The following SSBP2 variants were observed in gnomAD, a reference collection of about 807,000 sequenced individuals.
SSBP2 encodes the protein single stranded DNA binding protein 2, also known as single-stranded DNA-binding protein 2.
Under a neutral mutation model 61.8 loss-of-function variants are expected in SSBP2, and 17 were observed. That is an observed-to-expected ratio of 0.28 (90% CI 0.19 to 0.41). The LOEUF (loss-of-function observed/expected upper bound fraction) is 0.41. Among genes scored for constraint, SSBP2 ranks in the 10% least tolerant of loss-of-function variants. The pLI, the probability that SSBP2 is intolerant of heterozygous loss-of-function variation, is 1.00. For missense variants in SSBP2, 310 were observed against 458.7 expected (o/e 0.68, Z 2.96); for synonymous variants, 139 against 141.3 (o/e 0.98, Z 0.12).
At chr5:81,701,629 G>C (rs1453035637) in intron 1 of SSBP2, among the ~76,000 whole-genome samples, 3 of 152,158 alleles carry the variant, frequency 2.0e-5, no homozygotes, top group Non-Finnish European at 4.4e-5. Flanking sequence ...AATAAAATGA[G>C]AACATTTTGA....
At chr5:81,580,573 G>A (rs1774562981) in intron 4 of SSBP2, among the ~76,000 whole-genome samples, 1 of 152,022 alleles carries the variant, frequency 6.6e-6, no homozygotes, top group South Asian at 2.1e-4. Context: ...TCTGCCTTGT[G>A]TTAAAATTAT....
At chr5:81,651,899 T>C (rs2153714154) in intron 1 of SSBP2, among the ~76,000 whole-genome samples, 1 of 152,252 alleles carries the variant, frequency 6.6e-6, no homozygotes, top group South Asian at 2.1e-4. Flanking sequence ...AAGGATAATA[T>C]TTGTAAAATC....
At position 81,725,988 on chromosome 5, in the gene SSBP2, G is replaced by C. The variant is rs1291830634; in HGVS notation, c.62+24993C>G. ...TGAAAAAAGAAACAGAAGATCTTTA[G>C]CACAATATAATTTATATAAATTAAA... On this transcript the variant is annotated intron_variant, in intron 1 of 16. Coordinates refer to ENST00000320672, the MANE Select transcript of SSBP2 (RefSeq NM_012446.5). Among the ~76,000 whole-genome samples the C allele has an allele frequency of 5.9e-5, 9 of 152,116 alleles. No individual in the cohort carries two copies. In the East Asian group the frequency reaches 1.7e-3, roughly 29 times the overall value.
intron 1 of SSBP2, among the ~76,000 whole-genome samples, chr5:81,671,026 C>T (rs1751544198): frequency 6.6e-6 from 1 of 152,102 alleles, no homozygotes; most frequent in Non-Finnish European, 1.5e-5. Flanking sequence ...ATATATCCGA[C>T]CTGTACTCCT....
chr5:81,669,771 CT>C (rs1481478052), intron 1 of SSBP2, among the ~76,000 whole-genome samples: 3 of 150,562 alleles, frequency 2.0e-5, no homozygotes, highest in South Asian at 2.1e-4. Context: ...CATGTATCCC[CT>C]TTTTTTTGTT....
intron 15 of SSBP2, among the ~76,000 whole-genome samples, chr5:81,428,886 TA>T (rs929450693): frequency 6.6e-6 from 1 of 151,852 alleles, no homozygotes; most frequent in Non-Finnish European, 1.5e-5. Context: ...TAAAAAAAAA[TA>T]AAAAAACCCC....
chr5:81,750,103 G>A (rs1757627953), intron 1 of SSBP2, among the ~76,000 whole-genome samples: 3 of 151,628 alleles, frequency 2.0e-5, no homozygotes, highest in South Asian at 4.2e-4. Flanking sequence ...CGCCGCCGCG[G>A]AGTTGGGTCC....
At chr5:81,435,904 G>A (rs571435108) in intron 15 of SSBP2, among the ~76,000 whole-genome samples, 1 of 152,222 alleles carries the variant, frequency 6.6e-6, no homozygotes, top group East Asian at 1.9e-4. Flanking sequence ...AAATACCTGA[G>A]ATGCTGGGTG....
chr5:81,483,071 C>T (rs1169307769), intron 6 of SSBP2, among the ~76,000 whole-genome samples: 1 of 152,082 alleles, frequency 6.6e-6, no homozygotes, highest in African/African-American at 2.4e-5. Context: ...GCAGTCAGAA[C>T]ATACAGAATT....
intron 1 of SSBP2, among the ~76,000 whole-genome samples, chr5:81,745,420 T>A (rs186792417): frequency 9.0e-4 from 137 of 152,240 alleles, no homozygotes; most frequent in African/African-American, 3.0e-3. Context: ...ATGTTTAAAA[T>A]CGGGAATATT....
At chr5:81,511,810 C>T (rs1451919051) in intron 5 of SSBP2, among the ~76,000 whole-genome samples, 1 of 152,266 alleles carries the variant, frequency 6.6e-6, no homozygotes, top group East Asian at 1.9e-4. Flanking sequence ...CACACTACAC[C>T]TGCTAGTTTT....
intron 4 of SSBP2, among the ~76,000 whole-genome samples, chr5:81,588,522 C>CT (rs910067797): frequency 2.2e-4 from 33 of 149,050 alleles, no homozygotes; most frequent in Middle Eastern, 3.5e-3. Flanking sequence ...TTCAGACTAT[C>CT]TTTTTTTTTT....
Position 81,489,189 on chromosome 5 carries a change from T to C in SSBP2, c.432+61A>G, listed in dbSNP as rs1766665259. ...TCATATTTTTACAGGATGATAAATA[T>C]ATGTGACATTTTCAAGATCTTTGAT... is the stretch of plus-strand genomic sequence containing the variant. On this transcript the variant is annotated intron_variant, in intron 6 of 16. Transcript: ENST00000320672. 7 of 1,329,370 alleles carry C rather than the reference T, an allele frequency of 5.3e-6. No individual in the cohort carries two copies. The East Asian group carries it at 7.1e-5, about 13-fold the overall frequency. The allele number at this position is 1,329,370 out of a possible 1,614,324, so 82.3% of individuals were successfully genotyped here. A position where few individuals can be genotyped will look rare whatever the true frequency, so the allele number is the denominator to read the frequency against.
At chr5:81,657,777 T>TG (rs1220785548) in intron 1 of SSBP2, among the ~76,000 whole-genome samples, 1 of 152,234 alleles carries the variant, frequency 6.6e-6, no homozygotes, top group Non-Finnish European at 1.5e-5. Context: ...ATTAAATCTC[T>TG]GGTTTATTTT....
In SSBP2 at chr5:81,688,480, G is replaced by A. The variant is rs115099171; in HGVS notation, c.63-38141C>T. On this transcript the variant is annotated intron_variant, in intron 1 of 16. Transcript: ENST00000320672. ...CAGGCCTTGGGTGTGACCCAGTGCT[G>A]GACCAGCTTCATGTCTGACCCAGTG... Among the ~76,000 whole-genome samples, 676 of 152,308 alleles carry A rather than the reference G, an allele frequency of 4.4e-3. 4 individuals carry two copies. Among genetic ancestry groups the A allele is most frequent in the African/African-American group, 0.016 (650 of 41,572 alleles).
chr5:81,553,130 C>T (rs990449943), intron 4 of SSBP2, among the ~76,000 whole-genome samples: 1 of 152,036 alleles, frequency 6.6e-6, no homozygotes, highest in East Asian at 1.9e-4. Flanking sequence ...CACTTAAGCT[C>T]AGTGATTTGA....
At chr5:81,632,556 AT>A (rs1486047095) in intron 3 of SSBP2, among the ~76,000 whole-genome samples, 1 of 152,224 alleles carries the variant, frequency 6.6e-6, no homozygotes, top group African/African-American at 2.4e-5. Context: ...ACCTACAAAC[AT>A]TCCTGCATCT....
At chr5:81,544,195 G>T (rs1347202893) in intron 4 of SSBP2, among the ~76,000 whole-genome samples, 4 of 151,934 alleles carry the variant, frequency 2.6e-5, no homozygotes, top group Non-Finnish European at 5.9e-5. Context: ...GACTACAGGC[G>T]ATGCCACCAC....
At chr5:81,609,729 C>T (rs971097207) in intron 4 of SSBP2, among the ~76,000 whole-genome samples, 2 of 152,348 alleles carry the variant, frequency 1.3e-5, no homozygotes, top group Admixed American at 1.3e-4. Context: ...ACATTTTTCT[C>T]TGTTTGATCC....
Sources: allele counts gnomAD v4.1 joint callset (sites outside exome capture counted in the v4.1 genomes callset), GRCh38; gene constraint gnomAD v4.1.1; transcripts MANE v1.5; gene names NCBI Gene and HGNC (gene_info 2026-07-23, HGNC 2026-07-21).